Variants in CATSPERE observed in about 807,000 individuals in gnomAD.
CATSPERE encodes catsper channel auxiliary subunit epsilon.
In CATSPERE, 93 loss-of-function variants were observed where a neutral mutation model predicts 114.1. The ratio of observed to expected loss-of-function variants is 0.81; its 90% confidence interval spans 0.69 to 0.97. The LOEUF is 0.97. CATSPERE is among the 50% of genes least tolerant of loss of function. The probability of loss-of-function intolerance (pLI) is 0.00; values close to 1 mark genes in which losing one functional copy is unlikely to be tolerated. For missense variants in CATSPERE, 1,058 were observed against 1,131.6 expected (o/e 0.93, Z 0.93); for synonymous variants, 341 against 384.1 (o/e 0.89, Z 1.31).
At chr1:244,593,780 C>T (rs370766010) in intron 17 of CATSPERE, among the ~76,000 whole-genome samples, 12 of 152,204 alleles carry the variant, frequency 7.9e-5, no homozygotes, top group East Asian at 3.9e-4. Context: ...ATTTGGCAGC[C>T]GAAATTTCAA....
intron 13 of CATSPERE, among the ~76,000 whole-genome samples, chr1:244,584,538 TTA>T (rs59279113): frequency 0.13 from 19,124 of 149,920 alleles, 1,578 homozygotes; most frequent in East Asian, 0.4. Flanking sequence ...TATTACTATA[TTA>T]TATATTATAT....
intron 2 of CATSPERE, among the ~76,000 whole-genome samples, chr1:244,465,944 T>G (rs1438039884): frequency 6.6e-6 from 1 of 152,218 alleles, no homozygotes; most frequent in Non-Finnish European, 1.5e-5. Context: ...AAACAGATGC[T>G]CCCTTTTGGG....
chr1:244,490,254 A>T (rs3006021), intron 5 of CATSPERE, among the ~76,000 whole-genome samples, 193 bp from the exon 6 acceptor site: 38,674 of 152,104 alleles, frequency 0.25, 6,786 homozygotes, highest in African/African-American at 0.51. Flanking sequence ...GACAAATGAG[A>T]ATCAGTAACG....
In CATSPERE at chr1:244,566,502, G is replaced by T. The variant is rs1663524102; in HGVS notation, c.1507+5357G>T. 2.0e-5 allele frequency among the ~76,000 whole-genome samples: 3 copies of T among 151,922 alleles called. 1 individual carries two copies. In the South Asian group the frequency reaches 6.2e-4, roughly 32 times the overall value. Reference sequence around the variant, plus strand: ...CTAAGAACTTGCTTTATGAATCTGGGTGCTCCTTTATTGGGTGCATGTATA... The same window carrying T: ...CTAAGAACTTGCTTTATGAATCTGGTTGCTCCTTTATTGGGTGCATGTATA... On this transcript the variant is annotated intron_variant, in intron 10 of 21. Transcript: ENST00000366534.
intron 8 of CATSPERE, among the ~76,000 whole-genome samples, chr1:244,529,283 C>T (rs1425588733): frequency 6.6e-6 from 1 of 152,158 alleles, no homozygotes; most frequent in Admixed American, 6.5e-5. Flanking sequence ...TACTAATTTA[C>T]ATTCCCACCC....
intron 17 of CATSPERE, among the ~76,000 whole-genome samples, chr1:244,602,026 G>T (rs1427929697): frequency 6.6e-6 from 1 of 151,910 alleles, no homozygotes; most frequent in Admixed American, 6.6e-5. Flanking sequence ...GGAGGAATTG[G>T]GGAACTGGAA....
intron 5 of CATSPERE, among the ~76,000 whole-genome samples, chr1:244,487,136 T>C (rs1038500136): frequency 2.0e-5 from 3 of 151,314 alleles, no homozygotes; most frequent in Non-Finnish European, 4.4e-5. Context: ...GTTCAGCGTG[T>C]GGAATACTCG....
At position 244,638,712 on chromosome 1, in the gene CATSPERE, G is replaced by A. The variant is rs144496688; in HGVS notation, c.2703-1216G>A. 3.4e-4 allele frequency among the ~76,000 whole-genome samples: 52 copies of A among 152,182 alleles called. No individual in the cohort carries two copies. The East Asian group carries it at 4.1e-3, about 12-fold the overall frequency. On this transcript the variant is annotated intron_variant, in intron 21 of 21. Transcript: ENST00000366534. ...ATTTAATCTACCTTAAAACTGATCC[G>A]TCAGGGCAATTACATATAGCCATAT...
chr1:244,516,191 AAATAATAATAAT>A (rs146704402), intron 7 of CATSPERE, among the ~76,000 whole-genome samples: 2 of 150,170 alleles, frequency 1.3e-5, no homozygotes, highest in South Asian at 2.1e-4. Flanking sequence ...ACCTTGTCTC[AAATAATAATAAT>A]AATAATAATA....
At chr1:244,527,813 C>G (rs528505616) in intron 8 of CATSPERE, among the ~76,000 whole-genome samples, 1 of 152,172 alleles carries the variant, frequency 6.6e-6, no homozygotes. Context: ...CTGGTCCCTC[C>G]GTTCAGGGTC....
At chr1:244,480,512 T>G (rs1266371507) in intron 5 of CATSPERE, among the ~76,000 whole-genome samples, 5 of 152,214 alleles carry the variant, frequency 3.3e-5, no homozygotes. Context: ...GTTAATTTTG[T>G]GTGACGTATA....
intron 17 of CATSPERE, among the ~76,000 whole-genome samples, chr1:244,602,789 T>G (rs1669445631): frequency 6.6e-6 from 1 of 152,042 alleles, no homozygotes; most frequent in Non-Finnish European, 1.5e-5. Flanking sequence ...GTTTTAAGGG[T>G]CCTGAGGATT....
intron 5 of CATSPERE, among the ~76,000 whole-genome samples, chr1:244,482,778 A>C (rs1027775776): frequency 1.3e-5 from 2 of 152,192 alleles, no homozygotes; most frequent in Non-Finnish European, 2.9e-5. Context: ...TGCAAGAGTT[A>C]GACACTATCC....
chr1:244,624,519 C>G (rs1308914629), intron 20 of CATSPERE, among the ~76,000 whole-genome samples: 1 of 151,936 alleles, frequency 6.6e-6, no homozygotes, highest in South Asian at 2.1e-4. Flanking sequence ...AAGAAAGCAA[C>G]GCTGGGTGTG....
chr1:244,524,140 A>G lies in CATSPERE; in HGVS notation c.536+5442A>G, dbSNP rs145010364. On this transcript the variant is annotated intron_variant, in intron 8 of 21. Transcript: ENST00000366534. ...GCATGGTATTGGTACCAAAACAGAG[A>G]TATAGATCAATGGAACAGAACAGAG... Among the ~76,000 whole-genome samples the G allele has an allele frequency of 4.9e-3, 738 of 149,444 alleles. 17 individuals carry two copies. The highest frequency in any genetic ancestry group is 0.018 in the African/African-American group (712 of 39,064).
rs1333823876 is a variant in CATSPERE at position 244,461,564 on chromosome 1, C to T, written c.65+70C>T. ...CCCCGGCGGGGCAGGCGGGAGGGTC[C>T]TGCTCTCCACCCCATGCGCCTCGGG... On this transcript the variant is annotated intron_variant, in intron 1 of 21. Coordinates refer to ENST00000366534, the MANE Select transcript of CATSPERE (RefSeq NM_001130957.2). 3 of 1,207,768 alleles carry T rather than the reference C, an allele frequency of 2.5e-6. No homozygotes were observed. In the African/African-American group the frequency reaches 4.7e-5, roughly 19 times the overall value. 74.8% of individuals were successfully genotyped at this position (1,207,768 alleles called of 1,614,324 possible). A position where few individuals can be genotyped will look rare whatever the true frequency, so the allele number is the denominator to read the frequency against.
At position 244,499,098 on chromosome 1, in the gene CATSPERE, A is replaced by T. The variant is rs755365794; in HGVS notation, c.429+19A>T. 1.3e-6 allele frequency: 2 copies of T among 1,563,044 alleles called. No individual in the cohort carries two copies. The highest frequency in any genetic ancestry group is 1.4e-5 in the African/African-American group (1 of 73,782). On this transcript the variant is annotated intron_variant, in intron 7 of 21. Coordinates refer to ENST00000366534, the MANE Select transcript of CATSPERE (RefSeq NM_001130957.2). ...TTCAATAGTAGGTGGAAACATTAGT[A>T]TCGTCATAGTAAGAACAGAATGCTG...
intron 7 of CATSPERE, among the ~76,000 whole-genome samples, chr1:244,514,598 G>A (rs1676286645): frequency 1.3e-5 from 2 of 152,244 alleles, no homozygotes; most frequent in Non-Finnish European, 2.9e-5. Flanking sequence ...GGGAGGCCGA[G>A]GCGGGTGGAT....
intron 5 of CATSPERE, among the ~76,000 whole-genome samples, chr1:244,487,640 A>G (rs958217559): frequency 1.3e-5 from 2 of 152,078 alleles, no homozygotes; most frequent in Non-Finnish European, 2.9e-5. Context: ...ACAATCCCCC[A>G]ACACCTGAGC....
Sources: allele counts gnomAD v4.1 joint callset (sites outside exome capture counted in the v4.1 genomes callset), GRCh38; gene constraint gnomAD v4.1.1; transcripts MANE v1.5; gene names NCBI Gene and HGNC (gene_info 2026-07-23, HGNC 2026-07-21).